The following TBC1D1 variants were observed in gnomAD, a reference collection of about 807,000 sequenced individuals.
TBC1D1 encodes TBC1 (tre-2/USP6, BUB2, cdc16) domain family, member 1.
A neutral mutation model predicts 125.6 loss-of-function variants in TBC1D1; 89 were observed. The ratio of observed to expected loss-of-function variants is 0.71; its 90% CI spans 0.60 to 0.85. The LOEUF (loss-of-function observed/expected upper bound fraction) is 0.85, where lower values mean the gene tolerates loss of function less well. TBC1D1 is among the 40% of genes least tolerant of loss of function. The pLI is 0.00. For synonymous variants in TBC1D1, 565 were observed against 564.1 expected, an observed-to-expected ratio of 1.00 and a Z score of -0.02; for missense variants, 1,377 against 1,469.2, an observed-to-expected ratio of 0.94 and a Z score of 1.03.
At chr4:38,076,037 A>G (rs1006194121) in intron 12 of TBC1D1, among the ~76,000 whole-genome samples, 2 of 152,166 alleles carry the variant, frequency 1.3e-5, no homozygotes, top group African/African-American at 2.4e-5. Flanking sequence ...TTCTCTGGAG[A>G]TAAGTCCTGT....
At chr4:38,127,664 A>C (rs1163390158) in intron 18 of TBC1D1, among the ~76,000 whole-genome samples, 1 of 152,148 alleles carries the variant, frequency 6.6e-6, no homozygotes, top group African/African-American at 2.4e-5. Flanking sequence ...GATTACATGC[A>C]TGAGCCACTG....
Position 38,017,738 on chromosome 4 carries a change from C to T in TBC1D1, c.883-616C>T, listed in dbSNP as rs141207124. Reference sequence around the variant, plus strand: ...ACACACTGAAACCCAAGAAGCTTAGCGCTCCAGAGACGAGGAGTCTAAAAG... The same window carrying T: ...ACACACTGAAACCCAAGAAGCTTAGTGCTCCAGAGACGAGGAGTCTAAAAG... On this transcript the variant is annotated intron_variant, in intron 3 of 19. Coordinates refer to ENST00000261439, the MANE Select transcript of TBC1D1 (RefSeq NM_015173.4). 3.9e-4 allele frequency among the ~76,000 whole-genome samples: 59 copies of T among 152,272 alleles called. No individual in the cohort carries two copies. In the East Asian group the frequency reaches 0.01, roughly 27 times the overall value.
intron 19 of TBC1D1, 125 bp from the exon 22 acceptor site, chr4:38,137,009 AC>A: frequency 6.7e-7 from 1 of 1,488,716 alleles, no homozygotes; most frequent in South Asian, 1.2e-5. Context: ...CTGATGATAA[AC>A]TGTAGACTCA....
At chr4:38,061,739 A>G (rs1054901209) in intron 12 of TBC1D1, among the ~76,000 whole-genome samples, 3 of 152,224 alleles carry the variant, frequency 2.0e-5, no homozygotes, top group African/African-American at 7.2e-5. Flanking sequence ...TTAGATATCA[A>G]TTGAGATGTA....
intron 2 of TBC1D1, among the ~76,000 whole-genome samples, chr4:38,008,064 T>C (rs979783373): frequency 3.3e-5 from 5 of 152,216 alleles, no homozygotes; most frequent in African/African-American, 4.8e-5. Flanking sequence ...GCCATTCCCA[T>C]GTGCAGGCAC....
At chr4:38,130,182 T>C (rs1166947202) in intron 18 of TBC1D1, among the ~76,000 whole-genome samples, 1 of 152,358 alleles carries the variant, frequency 6.6e-6, no homozygotes, top group African/African-American at 2.4e-5. Flanking sequence ...AAGCCAGTTA[T>C]ATATAGCGAC....
At chr4:37,972,252 C>T (rs1371241467) in intron 2 of TBC1D1, among the ~76,000 whole-genome samples, 1 of 151,980 alleles carries the variant, frequency 6.6e-6, no homozygotes, top group Non-Finnish European at 1.5e-5. Flanking sequence ...GAGGCTGAGG[C>T]GGGTGGATCA....
At chr4:37,918,954 C>T (rs1353179363) in intron 2 of TBC1D1, among the ~76,000 whole-genome samples, 1 of 152,056 alleles carries the variant, frequency 6.6e-6, no homozygotes, top group Non-Finnish European at 1.5e-5. Context: ...TTGCTGAGGA[C>T]TGTTGAATAA....
intron 2 of TBC1D1, among the ~76,000 whole-genome samples, chr4:37,980,067 C>T (rs4832975): frequency 0.091 from 13,904 of 152,292 alleles, 1,280 homozygotes; most frequent in East Asian, 0.47. Flanking sequence ...GTGTGAGCCA[C>T]CGCCCCCGGC....
At chr4:38,054,872 G>C (rs570472125) in intron 12 of TBC1D1, 1 of 155,246 alleles carries the variant, frequency 6.4e-6, no homozygotes, top group South Asian at 2.0e-4. Context: ...GGGGTGGGCT[G>C]TCCGCATGTG....
At chr4:37,925,130 G>A (rs1577883350) in intron 2 of TBC1D1, among the ~76,000 whole-genome samples, 1 of 152,174 alleles carries the variant, frequency 6.6e-6, no homozygotes, top group East Asian at 1.9e-4. Flanking sequence ...TGTCTGCCAG[G>A]CCCTGGGCTC....
At chr4:38,076,230 G>A (rs187359089) in intron 12 of TBC1D1, among the ~76,000 whole-genome samples, 331 of 152,246 alleles carry the variant, frequency 2.2e-3, no homozygotes, top group African/African-American at 7.5e-3. Flanking sequence ...AGCAAAAGGG[G>A]GGAAAGCCCT....
intron 2 of TBC1D1, among the ~76,000 whole-genome samples, chr4:37,968,648 T>C (rs1731485958): frequency 6.6e-6 from 1 of 152,238 alleles, no homozygotes; most frequent in Non-Finnish European, 1.5e-5. Context: ...CATGAACCAA[T>C]TTATTGAGCA....
At chr4:38,021,280 C>T (rs960190904) in intron 5 of TBC1D1, among the ~76,000 whole-genome samples, 9 of 152,176 alleles carry the variant, frequency 5.9e-5, no homozygotes, top group African/African-American at 2.2e-4. Flanking sequence ...GATTCAATTA[C>T]CTCCCACTGG....
intron 2 of TBC1D1, among the ~76,000 whole-genome samples, chr4:37,927,031 G>A (rs2152282629): frequency 6.6e-6 from 1 of 152,194 alleles, no homozygotes; most frequent in African/African-American, 2.4e-5. Flanking sequence ...AGACATGAGA[G>A]TCACTTGAAC....
chr4:38,071,281 A>G (rs925426148), intron 12 of TBC1D1, among the ~76,000 whole-genome samples: 2 of 152,272 alleles, frequency 1.3e-5, no homozygotes, highest in East Asian at 1.9e-4. Context: ...CAAGTGTCCA[A>G]AAGCACTGTG....
At chr4:37,992,465 T>C (rs1736782879) in intron 2 of TBC1D1, among the ~76,000 whole-genome samples, 1 of 151,938 alleles carries the variant, frequency 6.6e-6, no homozygotes, top group Non-Finnish European at 1.5e-5. Flanking sequence ...GATGTGGATA[T>C]TTTAAGGTCA....
Position 38,137,931 on chromosome 4 carries a change from T to G in TBC1D1, c.*596T>G, listed in dbSNP as rs1039854294. 3 of 152,716 alleles carry G rather than the reference T, an allele frequency of 2.0e-5. No homozygotes were observed. The highest frequency in any genetic ancestry group is 7.2e-5 in the African/African-American group (3 of 41,458). 9.5% of individuals were successfully genotyped at this position (152,716 alleles called of 1,614,324 possible). A position where few individuals can be genotyped will look rare whatever the true frequency, so the allele number is the denominator to read the frequency against. ...TGATGAGTTCAGCCTTTATCCCTCG[T>G]GGTTCCACTAGATGTAACTTAAAGG... On this transcript the variant is annotated 3_prime_UTR_variant, in exon 20 of 20. Transcript: ENST00000261439.
intron 8 of TBC1D1, among the ~76,000 whole-genome samples, chr4:38,042,320 T>C (rs761461758): frequency 1.3e-5 from 2 of 152,118 alleles, no homozygotes; most frequent in Non-Finnish European, 2.9e-5. Context: ...GGTGGTGCGA[T>C]GTCAGCTCAC....
Sources: allele counts gnomAD v4.1 joint callset (sites outside exome capture counted in the v4.1 genomes callset), GRCh38; gene constraint gnomAD v4.1.1; transcripts MANE v1.5; gene names NCBI Gene and HGNC (gene_info 2026-07-23, HGNC 2026-07-21).